PRELID2: variants seen among roughly 807,000 people sequenced by gnomAD.
The protein encoded by PRELID2 is PRELI domain containing 2.
In PRELID2, 25 loss-of-function variants were observed where a neutral mutation model predicts 28.4. The ratio of observed to expected loss-of-function variants is 0.88; its 90% CI spans 0.64 to 1.23. The LOEUF is 1.23. Among genes scored for constraint, PRELID2 ranks in the 50% most tolerant of loss-of-function variants. The pLI is 0.00. For synonymous variants in PRELID2, 76 were observed against 71.6 expected (o/e 1.06, Z -0.31); for missense variants, 201 against 214.4 (o/e 0.94, Z 0.39).
chr5:145,251,096 G>A, the PRELID2 span, among the ~76,000 whole-genome samples: 2 of 152,096 alleles, frequency 1.3e-5, no homozygotes, highest in East Asian at 3.9e-4. Flanking sequence ...CTAGTCAGAT[G>A]TACATCTAGA....
At chr5:145,343,922 T>A in the PRELID2 span, among the ~76,000 whole-genome samples, 3 of 151,894 alleles carry the variant, frequency 2.0e-5, no homozygotes, top group African/African-American at 7.2e-5. Flanking sequence ...GGGGAATGGA[T>A]AAATTCCTGG....
chr5:145,271,332 C>T, the PRELID2 span, among the ~76,000 whole-genome samples: 6 of 152,060 alleles, frequency 3.9e-5, no homozygotes, highest in African/African-American at 1.4e-4. Flanking sequence ...TCAAGCGATT[C>T]TTCCACCTCA....
intron 1 of PRELID2, among the ~76,000 whole-genome samples, chr5:145,537,646 G>T (rs547323223): frequency 6.6e-6 from 1 of 151,396 alleles, no homozygotes; most frequent in Non-Finnish European, 1.5e-5. Flanking sequence ...AAAATCTTTT[G>T]CCTGTTTTTT....
the PRELID2 span, among the ~76,000 whole-genome samples, chr5:145,232,139 C>T: frequency 6.6e-6 from 1 of 152,048 alleles, no homozygotes; most frequent in East Asian, 1.9e-4. Flanking sequence ...CTGAGTGACG[C>T]CTTAGTGAGA....
At chr5:145,494,290 T>C (rs1237646290) in intron 1 of PRELID2, among the ~76,000 whole-genome samples, 3 of 152,182 alleles carry the variant, frequency 2.0e-5, no homozygotes, top group Non-Finnish European at 4.4e-5. Context: ...TAAATATAAC[T>C]TTGACCAAAG....
chr5:145,723,324 G>C (rs77699360), intron 1 of PRELID2, among the ~76,000 whole-genome samples: 2 of 152,122 alleles, frequency 1.3e-5, no homozygotes, highest in South Asian at 2.1e-4. Context: ...CTACAGAAAC[G>C]TGCAAGACTT....
intron 1 of PRELID2, among the ~76,000 whole-genome samples, chr5:145,605,222 A>C (rs1753486833): frequency 6.6e-6 from 1 of 151,678 alleles, no homozygotes; most frequent in Non-Finnish European, 1.5e-5. Context: ...CTTGCTTTTG[A>C]TGTCTTCCTC....
At chr5:145,300,416 T>C in the PRELID2 span, among the ~76,000 whole-genome samples, 1 of 152,076 alleles carries the variant, frequency 6.6e-6, no homozygotes, top group Admixed American at 6.6e-5. Flanking sequence ...GTATAAAAAG[T>C]TTAAGAATGC....
chr5:145,581,479 C>A (rs898968999), intron 1 of PRELID2, among the ~76,000 whole-genome samples: 1 of 152,046 alleles, frequency 6.6e-6, no homozygotes, highest in Non-Finnish European at 1.5e-5. Flanking sequence ...AAGTCTCTTG[C>A]AGGTTTTTAA....
intron 1 of PRELID2, among the ~76,000 whole-genome samples, chr5:145,503,590 G>A (rs1319295551): frequency 6.6e-6 from 1 of 152,096 alleles, no homozygotes; most frequent in Non-Finnish European, 1.5e-5. Context: ...GTATAGAGAG[G>A]TTAAGAGGCT....
At chr5:145,682,756 A>G (rs1485047964) in intron 1 of PRELID2, among the ~76,000 whole-genome samples, 3 of 152,220 alleles carry the variant, frequency 2.0e-5, no homozygotes, top group African/African-American at 7.2e-5. Flanking sequence ...ATATCAAGGT[A>G]TAAATTAAAG....
intron 1 of PRELID2, among the ~76,000 whole-genome samples, chr5:145,551,585 T>G (rs1221394790): frequency 6.6e-6 from 1 of 152,198 alleles, no homozygotes; most frequent in Admixed American, 6.5e-5. Context: ...AATTTACCTT[T>G]GACTGATTGT....
At chr5:145,529,970 T>C (rs1310419246) in intron 1 of PRELID2, among the ~76,000 whole-genome samples, 2 of 152,158 alleles carry the variant, frequency 1.3e-5, no homozygotes, top group African/African-American at 4.8e-5. Context: ...CCAGAGCAAG[T>C]GCTTTATACA....
At chr5:145,271,327 C>T in the PRELID2 span, among the ~76,000 whole-genome samples, 1,848 of 152,110 alleles carry the variant, frequency 0.012, 32 homozygotes, top group Admixed American at 0.04. Context: ...TGGGCTCAAG[C>T]GATTCTTCCA....
chr5:145,343,565 A>T, the PRELID2 span, among the ~76,000 whole-genome samples: 1 of 151,944 alleles, frequency 6.6e-6, no homozygotes, highest in Non-Finnish European at 1.5e-5. Context: ...TCAAAAAATT[A>T]GAAAGATTAC....
the PRELID2 span, among the ~76,000 whole-genome samples, chr5:145,411,965 T>C: frequency 6.6e-6 from 1 of 152,148 alleles, no homozygotes; most frequent in African/African-American, 2.4e-5. Flanking sequence ...CTTTTAGCCA[T>C]AGCTGGAGCA....
chr5:145,597,485 A>G (rs1753326380), intron 1 of PRELID2, among the ~76,000 whole-genome samples: 1 of 152,204 alleles, frequency 6.6e-6, no homozygotes, highest in Non-Finnish European at 1.5e-5. Context: ...TTAGTTCAGA[A>G]CAATTTAAAA....
At chr5:145,767,884 T>G (rs778041418) in intron 5 of PRELID2, among the ~76,000 whole-genome samples, 8 of 152,186 alleles carry the variant, frequency 5.3e-5, no homozygotes, top group Non-Finnish European at 1.0e-4. Flanking sequence ...CTTAATCATT[T>G]CTGAAGATAT....
At chr5:145,297,909 CAA>C in the PRELID2 span, among the ~76,000 whole-genome samples, 1 of 152,078 alleles carries the variant, frequency 6.6e-6, no homozygotes, top group Non-Finnish European at 1.5e-5. Context: ...ATCCAACTTA[CAA>C]GGGATGTGAA....
Sources: gnomAD v4.1 joint callset for allele counts (sites outside exome capture counted in the v4.1 genomes callset) on GRCh38, gnomAD v4.1.1 for gene constraint, MANE v1.5 for transcripts, NCBI Gene and HGNC (gene_info 2026-07-23, HGNC 2026-07-21) for gene names.